DNAJC7: variants seen among roughly 807,000 people sequenced by gnomAD.
The protein encoded by DNAJC7 is dnaJ homolog subfamily C member 7.
In DNAJC7, 18 loss-of-function variants were observed where a neutral mutation model predicts 67.4. The observed-to-expected ratio is 0.27, with a 90% CI of 0.18 to 0.40. The LOEUF (loss-of-function observed/expected upper bound fraction) is 0.40. Among genes scored for constraint, DNAJC7 ranks in the 10% least tolerant of loss-of-function variants. DNAJC7 has a pLI of 1.00. For synonymous variants in DNAJC7, 220 were observed against 207.8 expected (o/e 1.06, Z -0.50); for missense variants, 419 against 613.8 (o/e 0.68, Z 3.35).
At chr17:41,983,744 G>C in intron 9 of DNAJC7, 108 bp from the exon 10 acceptor site, 2 of 870,368 alleles carry the variant, frequency 2.3e-6, no homozygotes, top group South Asian at 4.3e-5. Context: ...CACACTTCTG[G>C]TAAGATGCTT....
chr17:41,997,062 A>G, intron 3 of DNAJC7, 53 bp downstream of exon 3: 1 of 1,611,316 alleles, frequency 6.2e-7, no homozygotes, highest in Non-Finnish European at 8.5e-7. Flanking sequence ...GGGGCTAGAG[A>G]AACTCAACTG....
chr17:41,983,188 A>G (rs1021021469), intron 10 of DNAJC7, among the ~76,000 whole-genome samples: 7 of 151,894 alleles, frequency 4.6e-5, no homozygotes, highest in Non-Finnish European at 1.0e-4. Flanking sequence ...ATAGTCGCGC[A>G]ATCTTAGCTC....
At chr17:41,980,241 G>T (rs1399197093) in intron 12 of DNAJC7, among the ~76,000 whole-genome samples, 17 of 151,838 alleles carry the variant, frequency 1.1e-4, no homozygotes, top group Non-Finnish European at 2.2e-4. Flanking sequence ...ATAGAGACGG[G>T]GTTTCACCAT....
At chr17:41,998,236 G>A (rs1343776934) in intron 2 of DNAJC7, among the ~76,000 whole-genome samples, 8 of 152,054 alleles carry the variant, frequency 5.3e-5, no homozygotes, top group South Asian at 2.1e-4. Flanking sequence ...TTGGGAGGCC[G>A]AGGTGGGCAG....
intron 1 of DNAJC7, among the ~76,000 whole-genome samples, chr17:42,008,891 T>A (rs2052045287): frequency 1.3e-5 from 2 of 152,112 alleles, no homozygotes; most frequent in African/African-American, 2.4e-5. Context: ...TTTATTTTAG[T>A]AGAGATGAGG....
At chr17:42,005,092 C>A (rs542721571) in intron 1 of DNAJC7, among the ~76,000 whole-genome samples, 5 of 152,180 alleles carry the variant, frequency 3.3e-5, no homozygotes, top group Non-Finnish European at 5.9e-5. Flanking sequence ...AATAAATGTT[C>A]GTTAAAATCT....
intron 1 of DNAJC7, among the ~76,000 whole-genome samples, chr17:42,004,495 C>A (rs2051893967): frequency 6.6e-6 from 1 of 152,150 alleles, no homozygotes; most frequent in Non-Finnish European, 1.5e-5. Context: ...CTCTGATTCA[C>A]CAAGAGATGC....
Position 41,989,572 on chromosome 17 carries a change from A to G in DNAJC7, c.600-15T>C. 1.2e-6 allele frequency: 2 copies of G among 1,613,206 alleles called. No individual in the cohort carries two copies. Among genetic ancestry groups the G allele is most frequent in the Admixed American group, 3.3e-5 (2 of 59,984 alleles). Reference sequence around the variant, plus strand: ...GTAGAATGTCACTGCAATAGTCAGAAAAGGGCACATTGAGCTGTGCTTTAG... The same window carrying G: ...GTAGAATGTCACTGCAATAGTCAGAGAAGGGCACATTGAGCTGTGCTTTAG... On this transcript the variant is annotated splice_polypyrimidine_tract_variant and intron_variant, in intron 6 of 13. Transcript: ENST00000457167.
At chr17:41,989,147 T>C (rs782594818) in intron 7 of DNAJC7, among the ~76,000 whole-genome samples, 3 of 152,220 alleles carry the variant, frequency 2.0e-5, no homozygotes, top group Admixed American at 6.5e-5. Context: ...CAAGTATTAC[T>C]ATCTATCTTC....
chr17:42,015,797 T>G (rs1451835167), intron 1 of DNAJC7: 1 of 152,030 alleles, frequency 6.6e-6, no homozygotes, highest in East Asian at 1.9e-4. Flanking sequence ...GAGCTTGCAG[T>G]GAGCTGAGGT....
At chr17:41,986,319 C>G (rs1271482005) in intron 9 of DNAJC7, among the ~76,000 whole-genome samples, 1 of 151,928 alleles carries the variant, frequency 6.6e-6, no homozygotes, top group Non-Finnish European at 1.5e-5. Flanking sequence ...TGAGCCAGTA[C>G]GGTGCTACTG....
At chr17:42,000,614 A>T in intron 1 of DNAJC7, 44 bp from the exon 2 acceptor site, 5 of 1,436,380 alleles carry the variant, frequency 3.5e-6, no homozygotes, top group Non-Finnish European at 4.9e-6. Flanking sequence ...TTACAAAGGG[A>T]ATAACCTCTG....
intron 5 of DNAJC7, among the ~76,000 whole-genome samples, chr17:41,991,872 G>A (rs2051517487): frequency 2.0e-5 from 3 of 152,098 alleles, no homozygotes; most frequent in African/African-American, 7.2e-5. Flanking sequence ...GTAGAGACAG[G>A]GTCTCAATAA....
chr17:42,000,120 A>AT (rs1249720000), intron 2 of DNAJC7, among the ~76,000 whole-genome samples: 1 of 119,286 alleles, frequency 8.4e-6, no homozygotes, highest in Non-Finnish European at 1.7e-5. Flanking sequence ...AGCCTGGCCT[A>AT]TTTTTTTTAT....
In DNAJC7 at chr17:41,990,221, A is replaced by G. The variant is rs781798680; in HGVS notation, c.599+43T>C. 9 of 1,542,812 alleles carry G rather than the reference A, an allele frequency of 5.8e-6. No homozygotes were observed. The Admixed American group carries it at 7.6e-5, about 13-fold the overall frequency. ...GAAGCTGCCGGACACCATCAGTCCA[A>G]TGGTATCTGGCATTTTAATGTCCAG... On this transcript the variant is annotated intron_variant, in intron 6 of 13. Coordinates refer to ENST00000457167, the MANE Select transcript of DNAJC7 (RefSeq NM_003315.4).
chr17:42,000,580 A>G lies in DNAJC7; in HGVS notation c.78-10T>C. On this transcript the variant is annotated splice_polypyrimidine_tract_variant and intron_variant, in intron 1 of 13. Coordinates refer to ENST00000457167, the MANE Select transcript of DNAJC7 (RefSeq NM_003315.4). ...GAAAGTCTCTGCTTCCCTGAAAATGAAAGAGAAAGAGAATCATGTTACTTT... is the reference window on the plus strand; with the variant it reads ...GAAAGTCTCTGCTTCCCTGAAAATGGAAGAGAAAGAGAATCATGTTACTTT... 6.3e-7 allele frequency: 1 copy of G among 1,586,304 alleles called. No individual in the cohort carries two copies. The highest frequency in any genetic ancestry group is 2.2e-5 in the East Asian group (1 of 44,660).
At chr17:42,017,093 C>T (rs890173877) in intron 1 of DNAJC7, 23 of 1,422,786 alleles carry the variant, frequency 1.6e-5, no homozygotes, top group Non-Finnish European at 2.1e-5. Context: ...CCTATAAGGA[C>T]GATCGTCCTC....
chr17:42,003,274 C>T (rs781831476), intron 1 of DNAJC7: 1 of 152,188 alleles, frequency 6.6e-6, no homozygotes, highest in South Asian at 2.1e-4. Flanking sequence ...GCCTTCAGGT[C>T]CAATGCCCAA....
At chr17:41,998,445 C>T (rs1355755505) in intron 2 of DNAJC7, among the ~76,000 whole-genome samples, 1 of 152,168 alleles carries the variant, frequency 6.6e-6, no homozygotes, top group African/African-American at 2.4e-5. Context: ...ACACTCCAGC[C>T]TGGGTGACAG....
Sources: gnomAD v4.1 joint callset for allele counts (sites outside exome capture counted in the v4.1 genomes callset) on GRCh38, gnomAD v4.1.1 for gene constraint, MANE v1.5 for transcripts, NCBI Gene and HGNC (gene_info 2026-07-23, HGNC 2026-07-21) for gene names.